Variants in EPHA5 observed in about 807,000 individuals in gnomAD.
EPHA5 encodes the protein EPH receptor A5, also known as ephrin type-A receptor 5.
EPHA5 carries 60 observed loss-of-function variants against 105.0 expected under a neutral mutation model. The ratio of observed to expected loss-of-function variants is 0.57; its 90% CI spans 0.46 to 0.71. The LOEUF is 0.71. Ranked by LOEUF, EPHA5 falls within the 30% of genes least tolerant of loss-of-function variation. The pLI is 0.00. For synonymous variants in EPHA5, 513 were observed against 449.1 expected (o/e 1.14, Z -1.80); for missense variants, 1,218 against 1,274.7 (o/e 0.96, Z 0.68).
rs527675790 is a variant in EPHA5 at position 65,604,607 on chromosome 4, A to T, written c.247-2303T>A. On this transcript the variant is annotated intron_variant, in intron 2 of 16. Transcript: ENST00000613740. ...GTCATTGAGACACATATACTAAGAA[A>T]TTGACAGAAAGATTTTATTTTAGGC... Among the ~76,000 whole-genome samples the T allele has an allele frequency of 1.8e-4, 27 of 152,304 alleles. No homozygotes were observed. The East Asian group carries it at 4.6e-3, about 26-fold the overall frequency.
intron 5 of EPHA5, among the ~76,000 whole-genome samples, chr4:65,450,419 A>G (rs2149105836): frequency 6.6e-6 from 1 of 152,276 alleles, no homozygotes; most frequent in East Asian, 1.9e-4. Context: ...ATTACTCTAT[A>G]TTTTAAGGTC....
intron 5 of EPHA5, among the ~76,000 whole-genome samples, chr4:65,473,332 C>T (rs532318223): frequency 1.1e-4 from 16 of 152,268 alleles, no homozygotes; most frequent in South Asian, 2.1e-4. Context: ...AGAGGTACCC[C>T]GCTCTCTGAA....
intron 3 of EPHA5, among the ~76,000 whole-genome samples, chr4:65,552,322 C>T (rs766665489): frequency 1.3e-5 from 2 of 152,328 alleles, no homozygotes; most frequent in Non-Finnish European, 2.9e-5. Context: ...TCTTTCCACA[C>T]GGTTTATCCG....
chr4:65,587,558 A>C (rs1406061798), intron 3 of EPHA5, among the ~76,000 whole-genome samples: 1 of 152,110 alleles, frequency 6.6e-6, no homozygotes, highest in Non-Finnish European at 1.5e-5. Flanking sequence ...AACTACATGT[A>C]TGTTGAGCTT....
chr4:65,476,478 G>A lies in EPHA5; in HGVS notation c.1402+13899C>T, dbSNP rs143677415. Among the ~76,000 whole-genome samples, 14 of 152,044 alleles carry A rather than the reference G, an allele frequency of 9.2e-5. 1 individual carries two copies. Among genetic ancestry groups the A allele is most frequent in the Admixed American group, 3.3e-4 (5 of 15,258 alleles). On this transcript the variant is annotated intron_variant, in intron 5 of 16. Transcript: ENST00000613740. ...GCCATTTTCCTAAGCAAATTAATGC[G>A]GAACAGAAAACCTAATACCCATGTT...
At chr4:65,558,249 A>G (rs1450165502) in intron 3 of EPHA5, among the ~76,000 whole-genome samples, 14 of 152,150 alleles carry the variant, frequency 9.2e-5, no homozygotes, top group East Asian at 1.9e-4. Flanking sequence ...AAGTATGGTT[A>G]TATGTGCATT....
At chr4:65,596,231 G>A (rs1019765452) in intron 3 of EPHA5, among the ~76,000 whole-genome samples, 1 of 152,082 alleles carries the variant, frequency 6.6e-6, no homozygotes, top group African/African-American at 2.4e-5. Context: ...CAAGTATTTG[G>A]ATTAGTGGTT....
chr4:65,603,008 A>T (rs551194452), intron 2 of EPHA5, among the ~76,000 whole-genome samples: 12 of 152,226 alleles, frequency 7.9e-5, no homozygotes, highest in African/African-American at 2.6e-4. Flanking sequence ...AAAATTACAG[A>T]TTAAGAATAT....
intron 3 of EPHA5, chr4:65,573,715 A>G: frequency 6.3e-7 from 1 of 1,598,858 alleles, no homozygotes; most frequent in East Asian, 2.2e-5. Context: ...AAAAAGAAGG[A>G]GAAGGTTCTT....
intron 3 of EPHA5, among the ~76,000 whole-genome samples, chr4:65,567,122 C>A (rs1400499116): frequency 1.3e-5 from 2 of 151,464 alleles, no homozygotes; most frequent in African/African-American, 2.4e-5. Context: ...AAAAAGCAAA[C>A]CAAAAAACAA....
intron 1 of EPHA5, among the ~76,000 whole-genome samples, chr4:65,663,480 CA>C (rs1040546738): frequency 1.3e-5 from 2 of 151,714 alleles, no homozygotes; most frequent in Non-Finnish European, 2.9e-5. Context: ...AAATAAAAAA[CA>C]AAAAACAAGA....
At chr4:65,476,425 T>C (rs10011446) in intron 5 of EPHA5, among the ~76,000 whole-genome samples, 21,662 of 151,984 alleles carry the variant, frequency 0.14, 1,727 homozygotes, top group East Asian at 0.23. Flanking sequence ...AAATCATGTC[T>C]TTTGCAGCAA....
chr4:65,422,725 T>C (rs562270349), intron 5 of EPHA5, among the ~76,000 whole-genome samples: 1 of 152,202 alleles, frequency 6.6e-6, no homozygotes, highest in South Asian at 2.1e-4. Context: ...ATATGCAAAA[T>C]GGAGATCCTT....
At chr4:65,404,241 T>A in intron 8 of EPHA5, 133 bp downstream of exon 8, 1 of 645,426 alleles carries the variant, frequency 1.5e-6, no homozygotes, top group Non-Finnish European at 2.7e-6. Context: ...AGGAATTGCA[T>A]CATGTATTGA....
At chr4:65,479,442 C>T (rs774830252) in intron 5 of EPHA5, among the ~76,000 whole-genome samples, 6 of 152,070 alleles carry the variant, frequency 3.9e-5, no homozygotes, top group Non-Finnish European at 7.4e-5. Context: ...AAATGTATTT[C>T]TTCTGAAATA....
chr4:65,550,301 A>G (rs1351353894), intron 3 of EPHA5, among the ~76,000 whole-genome samples: 1 of 152,070 alleles, frequency 6.6e-6, no homozygotes, highest in Non-Finnish European at 1.5e-5. Context: ...TCTTGATTCT[A>G]GTTATTAAAC....
intron 3 of EPHA5, among the ~76,000 whole-genome samples, chr4:65,577,314 G>A (rs570115366): frequency 1.3e-5 from 2 of 152,076 alleles, no homozygotes; most frequent in East Asian, 1.9e-4. Flanking sequence ...AGTATTTGCA[G>A]GTTTCCTCTT....
chr4:65,644,014 A>G (rs1487928391), intron 1 of EPHA5, among the ~76,000 whole-genome samples: 1 of 152,024 alleles, frequency 6.6e-6, no homozygotes, highest in African/African-American at 2.4e-5. Context: ...GCAGTTCTTG[A>G]GATAGTTGAT....
At chr4:65,652,139 C>G (rs550812434) in intron 1 of EPHA5, among the ~76,000 whole-genome samples, 16 of 152,250 alleles carry the variant, frequency 1.1e-4, no homozygotes, top group Middle Eastern at 3.4e-3. Flanking sequence ...CATAAAGCAG[C>G]TTAATTCCAC....
Sources: allele counts gnomAD v4.1 joint callset (sites outside exome capture counted in the v4.1 genomes callset), GRCh38; gene constraint gnomAD v4.1.1; transcripts MANE v1.5; gene names NCBI Gene and HGNC (gene_info 2026-07-23, HGNC 2026-07-21).